Variants in CARD8 observed in about 807,000 individuals in gnomAD.
CARD8 encodes caspase recruitment domain family member 8.
Under a neutral mutation model 53.2 loss-of-function variants are expected in CARD8, and 38 were observed. The observed-to-expected ratio is 0.71, with a 90% CI of 0.55 to 0.94. The LOEUF is 0.94. CARD8 is among the 40% of genes least tolerant of loss of function. CARD8 has a pLI of 0.00. For missense variants in CARD8, 561 were observed against 655.5 expected (o/e 0.86, Z 1.57); for synonymous variants, 245 against 244.9 (o/e 1.00, Z 0.00).
At chr19:48,232,264 A>G in intron 7 of CARD8, 189 bp downstream of exon 7, 1 of 633,872 alleles carries the variant, frequency 1.6e-6, no homozygotes, top group Non-Finnish European at 2.8e-6. Flanking sequence ...GACTCCCCTG[A>G]GCATTTCCAT....
rs531199248 is a variant in CARD8, at chr19:48,214,769, C to CTTTTTTTT, written c.1348+563_1348+570dup. On this transcript the variant is annotated intron_variant, in intron 13 of 13. Coordinates refer to ENST00000651546, the MANE Select transcript of CARD8 (RefSeq NM_001184900.3). ...CCTTCCTTTCATTCCTGCTATAAAG[C>CTTTTTTTT]TTTTTTTTTTTTTTTTTTTTTTTTT... Among the ~76,000 whole-genome samples, 50 of 89,558 alleles carry CTTTTTTTT rather than the reference C, an allele frequency of 5.6e-4. 4 individuals carry two copies. The highest frequency in any genetic ancestry group is 1.2e-3 in the African/African-American group (24 of 20,580). 58.8% of individuals were successfully genotyped at this position (89,558 alleles called of 152,430 possible).
At chr19:48,229,395 C>A (rs774451378) in intron 10 of CARD8, among the ~76,000 whole-genome samples, 1 of 152,104 alleles carries the variant, frequency 6.6e-6, no homozygotes, top group African/African-American at 2.4e-5. Context: ...AGAAGTTATG[C>A]AAGAATTCAC....
intron 1 of CARD8, among the ~76,000 whole-genome samples, chr19:48,251,349 C>CA (rs1409319304): frequency 3.9e-5 from 6 of 152,154 alleles, no homozygotes; most frequent in African/African-American, 1.4e-4. Flanking sequence ...AAAACACCAA[C>CA]TTTTTCTCCT....
At chr19:48,205,220 G>C (rs1274137605), downstream of CARD8, among the ~76,000 whole-genome samples, 1 of 151,964 alleles carries the variant, frequency 6.6e-6, no homozygotes, top group Non-Finnish European at 1.5e-5. Context: ...GGAAAGTTTC[G>C]GCCATATACA....
At chr19:48,231,586 A>AGC in intron 8 of CARD8, 74 bp downstream of exon 8, 1 of 1,435,664 alleles carries the variant, frequency 7.0e-7, no homozygotes, top group Non-Finnish European at 9.4e-7. Flanking sequence ...TACAGGCCTG[A>AGC]GCCACCACGC....
At position 48,211,877 on chromosome 19, in the gene CARD8, CAGTA is replaced by C; in HGVS notation, c.1443_1446del (p.Thr482ArgfsTer21). On this transcript the variant is annotated frameshift_variant, in exon 14 of 14. Coordinates refer to ENST00000651546, the MANE Select transcript of CARD8 (RefSeq NM_001184900.3). LOFTEE classifies it low-confidence loss of function (END_TRUNC). Reference sequence around the variant, plus strand: ...TGCTCCACCAGCTCCTTCTCATTCTCAGTAAGAACCTCATTGTCTTGGAGATCAT... The same window carrying C: ...TGCTCCACCAGCTCCTTCTCATTCTCAGAACCTCATTGTCTTGGAGATCAT... The C allele has an allele frequency of 6.2e-7, 1 of 1,614,110 alleles. No homozygotes were observed. The highest frequency in any genetic ancestry group is 1.1e-5 in the South Asian group (1 of 91,078).
chr19:48,237,345 A>G (rs545544744), intron 5 of CARD8, among the ~76,000 whole-genome samples: 78 of 152,120 alleles, frequency 5.1e-4, no homozygotes, highest in Non-Finnish European at 8.5e-4. Flanking sequence ...TCAGAGTAAG[A>G]AGCCACTTAT....
intron 3 of CARD8, among the ~76,000 whole-genome samples, chr19:48,242,128 G>C (rs1380581377): frequency 6.6e-6 from 1 of 152,158 alleles, no homozygotes; most frequent in East Asian, 1.9e-4. Context: ...TTCATGTGTT[G>C]AAATCCTAAC....
At chr19:48,243,980 A>C (rs2045682076) in intron 3 of CARD8, among the ~76,000 whole-genome samples, 1 of 152,252 alleles carries the variant, frequency 6.6e-6, no homozygotes, top group Admixed American at 6.5e-5. Context: ...TCATGAGTCA[A>C]AAAGCATCTC....
chr19:48,213,658 G>C (rs1321694466), intron 13 of CARD8, among the ~76,000 whole-genome samples: 1 of 152,206 alleles, frequency 6.6e-6, no homozygotes. Context: ...ACAAGTGTGA[G>C]CCACTGCACC....
Position 48,222,079 on chromosome 19 carries a change from A to G in CARD8, c.1036-224T>C, listed in dbSNP as rs551198586. On this transcript the variant is annotated intron_variant, in intron 10 of 13. Transcript: ENST00000651546. Reference sequence around the variant, plus strand: ...AGACATATTGATGAAATTTTACTGAAAGATATCTCAGGGCCAAAGGATTTC... The same window carrying G: ...AGACATATTGATGAAATTTTACTGAGAGATATCTCAGGGCCAAAGGATTTC... Among the ~76,000 whole-genome samples the G allele has an allele frequency of 2.6e-5, 4 of 152,304 alleles. No homozygotes were observed. The East Asian group carries it at 7.7e-4, about 29-fold the overall frequency.
chr19:48,237,713 CT>C (rs2044164972), intron 5 of CARD8, among the ~76,000 whole-genome samples: 1 of 151,490 alleles, frequency 6.6e-6, no homozygotes, highest in Non-Finnish European at 1.5e-5. Context: ...AAAAGAATCG[CT>C]TGAACCCCAG....
Position 48,211,766 on chromosome 19 carries a change from T to A in CARD8, c.1558A>T (p.Ser520Cys), listed in dbSNP as rs758006827. The change falls in exon 14 of 14, where the codon AGC becomes TGC. Residue 520 changes from serine to cysteine, a missense_variant. By Grantham distance (112) the Ser-to-Cys change is moderately radical (BLOSUM62 -1). Coordinates refer to ENST00000651546, the MANE Select transcript of CARD8 (RefSeq NM_001184900.3). ...GDLALDVLFRSISERDPYLVS... is the reference protein window; with the variant it reads ...GDLALDVLFRCISERDPYLVS... ...AGGTAAGGGTCCCTTTCACTAATGC[T>A]TCTGAAGAGCACGTCCAGGGCCAGG... 2.5e-6 allele frequency: 4 copies of A among 1,614,102 alleles called. No homozygotes were observed. The East Asian group carries it at 8.9e-5, about 36-fold the overall frequency.
At chr19:48,214,697 T>C (rs1227148830) in intron 13 of CARD8, among the ~76,000 whole-genome samples, 1 of 151,096 alleles carries the variant, frequency 6.6e-6, no homozygotes, top group Non-Finnish European at 1.5e-5. Flanking sequence ...AACCGTGCAC[T>C]TGTCTTTCAA....
downstream of CARD8, among the ~76,000 whole-genome samples, chr19:48,207,548 T>C (rs1324555844): frequency 6.6e-6 from 1 of 152,148 alleles, no homozygotes; most frequent in Non-Finnish European, 1.5e-5. Flanking sequence ...CTTTTGTTCA[T>C]TGTCCATTGC....
At chr19:48,221,007 A>AG (rs879329146) in intron 11 of CARD8, among the ~76,000 whole-genome samples, 15,275 of 121,978 alleles carry the variant, frequency 0.13, 1,343 homozygotes, top group South Asian at 0.2. Flanking sequence ...AGAAAGAAAG[A>AG]AAAAGAAAGA....
chr19:48,235,193 T>C (rs377524671), intron 5 of CARD8, among the ~76,000 whole-genome samples: 1 of 152,110 alleles, frequency 6.6e-6, no homozygotes, highest in Non-Finnish European at 1.5e-5. Flanking sequence ...TCCTTTTCTC[T>C]TCTTCATTTT....
rs1005852387 is a variant in CARD8, at chr19:48,208,222, G to A, written c.*3488C>T. The A allele has an allele frequency of 3.3e-5, 5 of 151,974 alleles. No homozygotes were observed. The highest frequency in any genetic ancestry group is 4.8e-5 in the African/African-American group (2 of 41,372). The allele number at this position is 151,974 out of a possible 1,614,324, so 9.4% of individuals were successfully genotyped here. On this transcript the variant is annotated 3_prime_UTR_variant, in exon 14 of 14. Coordinates refer to ENST00000651546, the MANE Select transcript of CARD8 (RefSeq NM_001184900.3). Reference sequence around the variant, plus strand: ...AACTGCAAAATTCCACTGTCCTTACGATCACAATCATGAAGAGGATGGAGC... The same window carrying A: ...AACTGCAAAATTCCACTGTCCTTACAATCACAATCATGAAGAGGATGGAGC...
At chr19:48,240,824 CAG>C in intron 4 of CARD8, 136 bp downstream of exon 4, 1 of 728,650 alleles carries the variant, frequency 1.4e-6, no homozygotes, top group East Asian at 2.8e-5. Context: ...TTCATTCATG[CAG>C]AGATGGGTGA....
Sources: gnomAD v4.1 joint callset for allele counts (sites outside exome capture counted in the v4.1 genomes callset) on GRCh38, gnomAD v4.1.1 for gene constraint, MANE v1.5 for transcripts, NCBI Gene and HGNC (gene_info 2026-07-23, HGNC 2026-07-21) for gene names.